Variants in STXBP5L observed in about 807,000 individuals in gnomAD.
STXBP5L encodes syntaxin binding protein 5L.
A neutral mutation model predicts 144.5 loss-of-function variants in STXBP5L; 65 were observed. That is an observed-to-expected ratio of 0.45 (90% CI 0.37 to 0.55). The LOEUF is 0.55. Among genes scored for constraint, STXBP5L ranks in the 20% least tolerant of loss-of-function variants. The probability of loss-of-function intolerance (pLI) is 0.00; values close to 1 mark genes in which losing one functional copy is unlikely to be tolerated. For synonymous variants in STXBP5L, 505 were observed against 469.6 expected, an observed-to-expected ratio of 1.08 and a Z score of -0.97; for missense variants, 1,298 against 1,405.5, an observed-to-expected ratio of 0.92 and a Z score of 1.22.
At chr3:121,014,596 T>C (rs926644005) in intron 3 of STXBP5L, among the ~76,000 whole-genome samples, 8 of 149,308 alleles carry the variant, frequency 5.4e-5, no homozygotes, top group African/African-American at 7.5e-5. Context: ...TTGGCTATTA[T>C]GAATACCAAA....
intron 3 of STXBP5L, among the ~76,000 whole-genome samples, chr3:120,995,466 T>C (rs1483523152): frequency 6.6e-6 from 1 of 152,132 alleles, no homozygotes; most frequent in Non-Finnish European, 1.5e-5. Flanking sequence ...TTTTTCTTGT[T>C]CTTCTGTTTC....
At chr3:120,971,725 CACAT>C (rs1284985768) in intron 3 of STXBP5L, among the ~76,000 whole-genome samples, 1 of 150,918 alleles carries the variant, frequency 6.6e-6, no homozygotes, top group Non-Finnish European at 1.5e-5. Flanking sequence ...TATGTACACA[CACAT>C]ATATGTGTGT....
intron 20 of STXBP5L, among the ~76,000 whole-genome samples, chr3:121,354,628 G>A (rs1183751780): frequency 2.0e-5 from 3 of 149,150 alleles, no homozygotes; most frequent in Non-Finnish European, 4.4e-5. Context: ...GCACACTGAT[G>A]GGTCTTGACT....
chr3:121,307,601 T>C (rs1244824572), intron 19 of STXBP5L, among the ~76,000 whole-genome samples: 1 of 151,452 alleles, frequency 6.6e-6, no homozygotes, highest in Admixed American at 6.6e-5. Flanking sequence ...AACTTGAAAA[T>C]AGGTTAATAG....
At chr3:121,275,064 G>A (rs2050840576) in intron 18 of STXBP5L, among the ~76,000 whole-genome samples, 1 of 152,182 alleles carries the variant, frequency 6.6e-6, no homozygotes, top group African/African-American at 2.4e-5. Flanking sequence ...CCATGTATGT[G>A]TGAGTTTATT....
At chr3:121,358,183 G>T (rs1033497566) in intron 20 of STXBP5L, among the ~76,000 whole-genome samples, 6 of 152,046 alleles carry the variant, frequency 3.9e-5, no homozygotes, top group African/African-American at 1.4e-4. Flanking sequence ...TCACCCTATT[G>T]TTCTGTCAAA....
At chr3:120,976,774 C>G (rs1161866120) in intron 3 of STXBP5L, among the ~76,000 whole-genome samples, 1 of 152,146 alleles carries the variant, frequency 6.6e-6, no homozygotes, top group Non-Finnish European at 1.5e-5. Context: ...CAAAGAACAT[C>G]TTTATTCCTG....
At chr3:121,181,460 G>A (rs573469688) in intron 9 of STXBP5L, among the ~76,000 whole-genome samples, 31 of 152,340 alleles carry the variant, frequency 2.0e-4, no homozygotes, top group African/African-American at 5.3e-4. Flanking sequence ...CCGGCTGGGC[G>A]CAGTGGCTAA....
chr3:121,139,380 GAAAA>G (rs1287918869), intron 7 of STXBP5L, among the ~76,000 whole-genome samples: 1 of 151,888 alleles, frequency 6.6e-6, no homozygotes, highest in African/African-American at 2.4e-5. Flanking sequence ...CAACTAAAAA[GAAAA>G]AGAATGACAC....
chr3:121,203,710 C>A (rs1191299), intron 9 of STXBP5L, among the ~76,000 whole-genome samples: 79,660 of 151,988 alleles, frequency 0.52, 21,497 homozygotes, highest in East Asian at 0.73. Flanking sequence ...CCACTGAAAT[C>A]AATTGATGAC....
chr3:121,183,308 G>T lies in STXBP5L; in HGVS notation c.878-22615G>T, dbSNP rs558075458. Among the ~76,000 whole-genome samples the T allele has an allele frequency of 3.4e-3, 523 of 152,220 alleles. 2 individuals carry two copies. The highest frequency in any genetic ancestry group is 4.1e-3 in the Non-Finnish European group (279 of 68,014). ...TCATAGACAAAGCAATCAGACAAGA[G>T]AATAAAATGAAAGGCATCCAAATTG... On this transcript the variant is annotated intron_variant, in intron 9 of 26. Transcript: ENST00000471454.
Position 121,409,972 on chromosome 3 carries a change from A to T in STXBP5L, c.2948+2369A>T, listed in dbSNP as rs972834589. Among the ~76,000 whole-genome samples the T allele has an allele frequency of 2.2e-4, 33 of 151,800 alleles. 1 individual carries two copies. The highest frequency in any genetic ancestry group is 1.0e-4 in the Non-Finnish European group (7 of 67,848). On this transcript the variant is annotated intron_variant, in intron 23 of 26. Transcript: ENST00000471454. ...GAGTGTTTTTTTTTTTAGATAGGGAAAATATGAGCAGATTTGTAGGTCAAG... is the reference window on the plus strand; with the variant it reads ...GAGTGTTTTTTTTTTTAGATAGGGATAATATGAGCAGATTTGTAGGTCAAG...
At position 120,966,699 on chromosome 3, in the gene STXBP5L, A is replaced by G. The variant is rs926289919; in HGVS notation, c.287+11662A>G. Among the ~76,000 whole-genome samples, 4 of 152,144 alleles carry G rather than the reference A, an allele frequency of 2.6e-5. No homozygotes were observed. In the East Asian group the frequency reaches 7.8e-4, roughly 30 times the overall value. On this transcript the variant is annotated intron_variant, in intron 3 of 26. Coordinates refer to ENST00000471454, the MANE Select transcript of STXBP5L (RefSeq NM_001308330.2). ...CTTCATCCCAGAGTGGCAGCTGTCT[A>G]TATGAGGTGTTGGCCCCTACTGGGA...
chr3:120,993,730 G>C (rs1318363768), intron 3 of STXBP5L, among the ~76,000 whole-genome samples: 5 of 152,072 alleles, frequency 3.3e-5, no homozygotes. Context: ...ACATCAGGTA[G>C]TGTGATGCTT....
At chr3:121,387,017 AC>A (rs2046443809) in intron 22 of STXBP5L, among the ~76,000 whole-genome samples, 1 of 152,116 alleles carries the variant, frequency 6.6e-6, no homozygotes, top group African/African-American at 2.4e-5. Flanking sequence ...TTACACTCCC[AC>A]CAACAGTGTA....
At chr3:121,229,054 A>C (rs542269490) in intron 11 of STXBP5L, among the ~76,000 whole-genome samples, 1 of 152,280 alleles carries the variant, frequency 6.6e-6, no homozygotes, top group African/African-American at 2.4e-5. Flanking sequence ...TTCCTTCATA[A>C]GTTCCCATTC....
intron 5 of STXBP5L, among the ~76,000 whole-genome samples, chr3:121,053,677 G>A (rs1007905093): frequency 2.8e-4 from 42 of 152,064 alleles, no homozygotes; most frequent in African/African-American, 9.7e-4. Context: ...CATAGGCATG[G>A]GCAAGGACTT....
intron 3 of STXBP5L, among the ~76,000 whole-genome samples, chr3:120,967,740 A>T (rs780296571): frequency 3.7e-4 from 56 of 152,184 alleles, no homozygotes; most frequent in Non-Finnish European, 7.1e-4. Context: ...TTTTATTGCT[A>T]TAAACAACTT....
At chr3:121,346,199 G>A (rs1457608663) in intron 20 of STXBP5L, among the ~76,000 whole-genome samples, 7 of 148,692 alleles carry the variant, frequency 4.7e-5, no homozygotes, top group Non-Finnish European at 5.9e-5. Context: ...GTGAGAACAT[G>A]AGTGTTTGAT....
Sources: allele counts gnomAD v4.1 joint callset (sites outside exome capture counted in the v4.1 genomes callset), GRCh38; gene constraint gnomAD v4.1.1; transcripts MANE v1.5; gene names NCBI Gene and HGNC (gene_info 2026-07-23, HGNC 2026-07-21).